Variants in CUX2 observed in about 807,000 individuals in gnomAD.
CUX2 encodes the protein cut like homeobox 2.
Under a neutral mutation model 144.8 loss-of-function variants are expected in CUX2, and 40 were observed. The ratio of observed to expected loss-of-function variants is 0.28; its 90% CI spans 0.21 to 0.36. The LOEUF is 0.36. CUX2 is among the 10% of genes least tolerant of loss of function. CUX2 has a pLI of 1.00. For synonymous variants in CUX2, 827 were observed against 875.6 expected (o/e 0.94, Z 0.98); for missense variants, 1,615 against 1,994.0 (o/e 0.81, Z 3.62).
At chr12:111,056,700 C>T (rs1237693295) in intron 1 of CUX2, among the ~76,000 whole-genome samples, 1 of 152,188 alleles carries the variant, frequency 6.6e-6, no homozygotes, top group Non-Finnish European at 1.5e-5. Flanking sequence ...GGACGTAGAT[C>T]CCACCACTGG....
chr12:111,133,766 G>A (rs543018369), intron 1 of CUX2, among the ~76,000 whole-genome samples: 2 of 152,260 alleles, frequency 1.3e-5, no homozygotes, highest in East Asian at 3.9e-4. Context: ...AGCTACCTCA[G>A]GGGAGGCTGT....
chr12:111,053,785 A>G (rs908956096), intron 1 of CUX2, among the ~76,000 whole-genome samples: 3 of 152,234 alleles, frequency 2.0e-5, no homozygotes. Context: ...ACTCATTACC[A>G]TACATTAAAG....
At chr12:111,070,299 C>T (rs1188515857) in intron 1 of CUX2, among the ~76,000 whole-genome samples, 6 of 152,112 alleles carry the variant, frequency 3.9e-5, no homozygotes, top group Non-Finnish European at 8.8e-5. Context: ...GTTGTTAACA[C>T]TATCTATGGG....
intron 1 of CUX2, among the ~76,000 whole-genome samples, chr12:111,084,815 C>T (rs572755182): frequency 2.3e-4 from 35 of 152,198 alleles, no homozygotes; most frequent in African/African-American, 5.8e-4. Context: ...GTAGACAGCC[C>T]GCTGTACCTG....
At chr12:111,170,966 A>G (rs1278874505) in intron 1 of CUX2, among the ~76,000 whole-genome samples, 2 of 152,120 alleles carry the variant, frequency 1.3e-5, no homozygotes, top group Non-Finnish European at 2.9e-5. Context: ...GGCATCGGCA[A>G]TTCTGGTCAA....
intron 1 of CUX2, among the ~76,000 whole-genome samples, chr12:111,167,900 G>A (rs1277489312): frequency 6.6e-6 from 1 of 152,022 alleles, no homozygotes; most frequent in African/African-American, 2.4e-5. Flanking sequence ...CACCATGTTG[G>A]CCAGGCTGGT....
At chr12:111,347,040 CATTT>C (rs1888838866) in intron 21 of CUX2, among the ~76,000 whole-genome samples, 1 of 152,136 alleles carries the variant, frequency 6.6e-6, no homozygotes, top group African/African-American at 2.4e-5. Context: ...TAATCATAAT[CATTT>C]ATTTGATTTA....
intron 16 of CUX2, among the ~76,000 whole-genome samples, chr12:111,315,182 G>T (rs749940079): frequency 6.6e-6 from 1 of 152,222 alleles, no homozygotes; most frequent in African/African-American, 2.4e-5. Flanking sequence ...CACATGAGCC[G>T]CTGCCAGGGA....
At chr12:111,159,159 T>A (rs1307245895) in intron 1 of CUX2, among the ~76,000 whole-genome samples, 2 of 152,182 alleles carry the variant, frequency 1.3e-5, no homozygotes, top group Non-Finnish European at 2.9e-5. Context: ...GTTGTTGTTG[T>A]TGCTGGAAAC....
rs1371447165 is a variant in CUX2, at chr12:111,034,264, CGCGGCCGT to C, written c.63+26_63+33del. 4.5e-6 allele frequency: 6 copies of C among 1,326,934 alleles called. No individual in the cohort carries two copies. Among genetic ancestry groups the C allele is most frequent in the Non-Finnish European group, 5.0e-6 (5 of 1,005,964 alleles). The allele number at this position is 1,326,934 out of a possible 1,614,324, so 82.2% of individuals were successfully genotyped here. ...AGGTTAGTGCGGGCAGCGCCGGCCG[CGCGGCCGT>C]GAGGAGCCCCCGGGCGCGCCCTGGG... On this transcript the variant is annotated intron_variant, in intron 1 of 21. Coordinates refer to ENST00000261726, the MANE Select transcript of CUX2 (RefSeq NM_015267.4). This position sits in a 1 kb window ranked among gnomAD's most constrained non-coding sequence, Gnocchi z 4.2.
intron 1 of CUX2, among the ~76,000 whole-genome samples, chr12:111,067,625 C>T (rs753382799): frequency 2.0e-5 from 3 of 152,190 alleles, no homozygotes; most frequent in Non-Finnish European, 4.4e-5. Flanking sequence ...TGGAAGGTTC[C>T]GGGAACTCTT....
rs1387326477 is a variant in CUX2, at chr12:111,285,663, C to T, written c.302-5755C>T. Among the ~76,000 whole-genome samples, 4 of 152,346 alleles carry T rather than the reference C, an allele frequency of 2.6e-5. No homozygotes were observed. In the South Asian group the frequency reaches 6.2e-4, roughly 24 times the overall value. Reference sequence around the variant, plus strand: ...GATGGCAGCCCAGCCCTCCCTGCCTCACCCTGGGGAAATGACTTCACCCCA... The same window carrying T: ...GATGGCAGCCCAGCCCTCCCTGCCTTACCCTGGGGAAATGACTTCACCCCA... On this transcript the variant is annotated intron_variant, in intron 4 of 21. Transcript: ENST00000261726.
chr12:111,055,256 G>A (rs1296771979), intron 1 of CUX2, among the ~76,000 whole-genome samples: 1 of 152,202 alleles, frequency 6.6e-6, no homozygotes, highest in Admixed American at 6.5e-5. Flanking sequence ...CCAAATTACT[G>A]GGACAAGCAT....
chr12:111,311,201 CG>C (rs901446692), intron 15 of CUX2, among the ~76,000 whole-genome samples: 3 of 152,194 alleles, frequency 2.0e-5, no homozygotes, highest in Non-Finnish European at 4.4e-5. Flanking sequence ...GAGGATTAAA[CG>C]GGCATCAAGC....
intron 1 of CUX2, among the ~76,000 whole-genome samples, chr12:111,096,459 C>T (rs1374688722): frequency 6.6e-6 from 1 of 152,184 alleles, no homozygotes; most frequent in Non-Finnish European, 1.5e-5. Flanking sequence ...CGTATGGAAT[C>T]TTAGGAGCTT....
chr12:111,307,670 C>G lies in CUX2; in HGVS notation c.1109+413C>G, dbSNP rs1434663988. On this transcript the variant is annotated intron_variant, in intron 12 of 21. Transcript: ENST00000261726. The surrounding 1 kb of genome is among the most constrained non-coding windows in gnomAD (Gnocchi z 4.1). ...TGTGGTGGCACCACTGCACTCCAGC[C>G]TGGACAACACAGTGAGACCCTGTCT... Among the ~76,000 whole-genome samples, 2 of 152,198 alleles carry G rather than the reference C, an allele frequency of 1.3e-5. No individual in the cohort carries two copies. Among genetic ancestry groups the G allele is most frequent in the Admixed American group, 6.5e-5 (1 of 15,276 alleles).
chr12:111,238,633 C>T (rs549834258), intron 3 of CUX2, among the ~76,000 whole-genome samples: 1 of 152,274 alleles, frequency 6.6e-6, no homozygotes, highest in African/African-American at 2.4e-5. Context: ...TTATTAAGTG[C>T]CTACTATGTG....
chr12:111,116,311 G>A (rs549663104), intron 1 of CUX2, among the ~76,000 whole-genome samples: 2 of 152,266 alleles, frequency 1.3e-5, no homozygotes, highest in African/African-American at 4.8e-5. Flanking sequence ...CTTATAATTA[G>A]GAAATGCCAA....
intron 9 of CUX2, among the ~76,000 whole-genome samples, chr12:111,299,225 G>A (rs995984027): frequency 1.3e-5 from 2 of 152,244 alleles, no homozygotes; most frequent in African/African-American, 4.8e-5. Context: ...ATGCCCACCC[G>A]CCCTGAGGTC....
Sources: gnomAD v4.1 joint callset for allele counts (sites outside exome capture counted in the v4.1 genomes callset) on GRCh38, gnomAD v4.1.1 for gene constraint, Gnocchi (gnomAD v3.1) non-coding constraint, MANE v1.5 for transcripts, NCBI Gene and HGNC (gene_info 2026-07-23, HGNC 2026-07-21) for gene names.